The following LMO7 variants were observed in gnomAD, a reference collection of about 807,000 sequenced individuals.
LMO7 encodes LIM domain 7.
In LMO7, 120 loss-of-function variants were observed where a neutral mutation model predicts 206.5. The observed-to-expected ratio is 0.58, with a 90% CI of 0.50 to 0.68. LMO7 has a LOEUF of 0.68. Among genes scored for constraint, LMO7 ranks in the 30% least tolerant of loss-of-function variants. LMO7 has a pLI of 0.00. For synonymous variants in LMO7, 706 were observed against 681.5 expected, an observed-to-expected ratio of 1.04 and a Z score of -0.56; for missense variants, 1,959 against 1,957.9, an observed-to-expected ratio of 1.00 and a Z score of -0.01.
chr13:75,718,810 C>T (rs1018976218), intron 2 of LMO7, among the ~76,000 whole-genome samples: 16 of 152,156 alleles, frequency 1.1e-4, no homozygotes, highest in African/African-American at 3.9e-4. Context: ...CCTCCCTTAC[C>T]TCTAATCCCT....
At chr13:75,796,779 T>C (rs778510966) in intron 6 of LMO7, 30 bp downstream of exon 6, 4 of 1,285,204 alleles carry the variant, frequency 3.1e-6, no homozygotes, top group Non-Finnish European at 4.5e-6. Flanking sequence ...GTGAGATTAC[T>C]GCTGTAATAC....
chr13:75,656,231 C>T (rs1189776993), intron 1 of LMO7, among the ~76,000 whole-genome samples: 1 of 152,168 alleles, frequency 6.6e-6, no homozygotes, highest in Non-Finnish European at 1.5e-5. Flanking sequence ...AGCTCTCTTG[C>T]CCACTCTCTG....
At chr13:75,765,200 T>C (rs1193737725) in intron 4 of LMO7, among the ~76,000 whole-genome samples, 1 of 152,174 alleles carries the variant, frequency 6.6e-6, no homozygotes, top group Non-Finnish European at 1.5e-5. Flanking sequence ...GTCTGCCAAA[T>C]TGGGCTTGAG....
intron 1 of LMO7, among the ~76,000 whole-genome samples, chr13:75,694,649 C>T (rs923454734): frequency 6.6e-6 from 1 of 151,952 alleles, no homozygotes; most frequent in Non-Finnish European, 1.5e-5. Context: ...GAGTCTGGGA[C>T]GTTGGGAGAA....
chr13:75,705,610 C>A (rs142874179), intron 1 of LMO7, among the ~76,000 whole-genome samples: 1 of 152,308 alleles, frequency 6.6e-6, no homozygotes, highest in East Asian at 1.9e-4. Context: ...TGAATCACAA[C>A]AGCATTACGT....
rs1300773896 is a variant in LMO7, at chr13:75,821,522, T to G, written c.2553T>G (p.Thr851=). 1.2e-6 allele frequency: 2 copies of G among 1,614,084 alleles called. No individual in the cohort carries two copies. Among genetic ancestry groups the G allele is most frequent in the Non-Finnish European group, 1.7e-6 (2 of 1,179,932 alleles). The part of the protein sequence containing the change: ...SASLPRSYRK[T]DTVRLTSVVT... Reference sequence around the variant, plus strand: ...CTCTCCCCAGAAGTTACCGGAAAACTGATACAGTCAGGTTAACATCTGTGG... The same window carrying G: ...CTCTCCCCAGAAGTTACCGGAAAACGGATACAGTCAGGTTAACATCTGTGG... Residue 851 remains threonine (T), a synonymous_variant, in exon 14 of 31, where the codon ACT becomes ACG. Coordinates refer to ENST00000377534, the MANE Select transcript of LMO7 (RefSeq NM_001306080.2).
chr13:75,710,594 C>T (rs1253267395), intron 1 of LMO7, among the ~76,000 whole-genome samples: 1 of 151,680 alleles, frequency 6.6e-6, no homozygotes, highest in Non-Finnish European at 1.5e-5. Context: ...ATTTGGCTCT[C>T]TGTTTGTCTG....
rs376307236 is a variant in LMO7 at position 75,823,869 on chromosome 13, C to T, written c.2945C>T (p.Ser982Phe). The T allele has an allele frequency of 9.9e-6, 16 of 1,612,442 alleles. No individual in the cohort carries two copies. In the Admixed American group the frequency reaches 2.2e-4, roughly 22 times the overall value. ...TCCCCACAAAGAGAAGTCTCAAGAT[C>T]CCAGGTGAGTTTGGAAAAGTTCTTT... ...EISPQREVSR[S>F]QDQFSDMRIS... The change falls in exon 15 of 31, where the codon TCC becomes TTC. Residue 982 changes from serine to phenylalanine, a missense_variant. Ser to Phe is a radical substitution (Grantham distance 155, BLOSUM62 -2). Transcript: ENST00000377534.
chr13:75,713,492 CAAGA>C (rs1438979472), intron 2 of LMO7, among the ~76,000 whole-genome samples: 1 of 152,076 alleles, frequency 6.6e-6, no homozygotes, highest in Non-Finnish European at 1.5e-5. Flanking sequence ...AATTAGTAAA[CAAGA>C]AAGATTCTAT....
At chr13:75,834,543 C>T (rs1425935572) in intron 17 of LMO7, among the ~76,000 whole-genome samples, 156 bp downstream of exon 17, 1 of 149,306 alleles carries the variant, frequency 6.7e-6, no homozygotes, top group Non-Finnish European at 1.5e-5. Flanking sequence ...TTGAACCCTA[C>T]CCCTTTGAAT....
At chr13:75,777,715 G>T (rs1426057762) in intron 4 of LMO7, among the ~76,000 whole-genome samples, 1 of 142,050 alleles carries the variant, frequency 7.0e-6, no homozygotes, top group South Asian at 2.2e-4. Flanking sequence ...GGGCGATCCC[G>T]GCTCACTGCA....
intron 27 of LMO7, among the ~76,000 whole-genome samples, chr13:75,851,053 A>C (rs966751158): frequency 6.6e-6 from 1 of 152,212 alleles, no homozygotes; most frequent in African/African-American, 2.4e-5. Flanking sequence ...GGCAATGCCT[A>C]ATAAGCAAGT....
At chr13:75,756,313 A>C (rs1358290330) in intron 3 of LMO7, among the ~76,000 whole-genome samples, 1 of 152,184 alleles carries the variant, frequency 6.6e-6, no homozygotes, top group East Asian at 1.9e-4. Context: ...TCTTTGAGAT[A>C]ATTGTATTTG....
chr13:75,636,501 A>T lies in LMO7; in HGVS notation c.-157A>T, dbSNP rs745745375. ...AGACCTTAACGAACTGCAGAGCGCAACAAAGGGAACTAGAGCCCCGGCGCC... is the reference window on the plus strand; with the variant it reads ...AGACCTTAACGAACTGCAGAGCGCATCAAAGGGAACTAGAGCCCCGGCGCC... On this transcript the variant is annotated 5_prime_UTR_variant, in exon 1 of 31. Transcript: ENST00000377534. 6.7e-7 allele frequency: 1 copy of T among 1,487,584 alleles called. No individual in the cohort carries two copies. The highest frequency in any genetic ancestry group is 8.9e-7 in the Non-Finnish European group (1 of 1,128,988). The allele number at this position is 1,487,584 out of a possible 1,614,324, so 92.1% of individuals were successfully genotyped here. A position where few individuals can be genotyped will look rare whatever the true frequency, so the allele number is the denominator to read the frequency against.
chr13:75,782,473 G>T (rs1400370828), intron 4 of LMO7, among the ~76,000 whole-genome samples: 1 of 152,190 alleles, frequency 6.6e-6, no homozygotes, highest in African/African-American at 2.4e-5. Flanking sequence ...GAACTGCATT[G>T]GTGATAAAAT....
At chr13:75,641,698 A>G (rs2036547715) in intron 1 of LMO7, among the ~76,000 whole-genome samples, 1 of 152,170 alleles carries the variant, frequency 6.6e-6, no homozygotes, top group African/African-American at 2.4e-5. Context: ...TCTGTTGCCC[A>G]GGCTGGAGTG....
intron 1 of LMO7, among the ~76,000 whole-genome samples, chr13:75,710,152 G>T (rs942818836): frequency 2.0e-5 from 3 of 152,054 alleles, no homozygotes; most frequent in African/African-American, 7.2e-5. Context: ...TGTTCCATTG[G>T]TCTATATCTC....
At chr13:75,805,365 A>G in intron 8 of LMO7, 114 bp from the exon 9 acceptor site, 1 of 1,169,572 alleles carries the variant, frequency 8.6e-7, no homozygotes, top group Non-Finnish European at 1.2e-6. Flanking sequence ...GAGAATGGAA[A>G]CTAATTTGCT....
upstream of LMO7, among the ~76,000 whole-genome samples, chr13:75,634,775 G>A (rs1234359363): frequency 8.6e-5 from 13 of 151,620 alleles, no homozygotes; most frequent in East Asian, 1.4e-3. Flanking sequence ...TTGGGAGGCC[G>A]AGGTGGGTGG....
Sources: allele counts gnomAD v4.1 joint callset (sites outside exome capture counted in the v4.1 genomes callset), GRCh38; gene constraint gnomAD v4.1.1; transcripts MANE v1.5; gene names NCBI Gene and HGNC (gene_info 2026-07-23, HGNC 2026-07-21).